LRMDA: variants seen among roughly 807,000 people sequenced by gnomAD.
LRMDA encodes the protein leucine-rich melanocyte differentiation-associated protein.
Under a neutral mutation model 29.8 loss-of-function variants are expected in LRMDA, and 18 were observed. The ratio of observed to expected loss-of-function variants is 0.60; its 90% confidence interval spans 0.42 to 0.90. The LOEUF is 0.90. LRMDA is among the 40% of genes least tolerant of loss of function. LRMDA has a pLI of 0.00. For synonymous variants in LRMDA, 125 were observed against 109.4 expected (o/e 1.14, Z -0.89); for missense variants, 273 against 273.9 (o/e 1.00, Z 0.02).
At chr10:75,972,019 ATAAC>A in intron 2 of LRMDA, among the ~76,000 whole-genome samples, 1 of 152,356 alleles carries the variant, frequency 6.6e-6, no homozygotes, top group African/African-American at 2.4e-5. Context: ...GACATTTAAA[ATAAC>A]TAACACTAGA....
At chr10:75,502,667 T>G (rs1845126457) in intron 2 of LRMDA, among the ~76,000 whole-genome samples, 1 of 152,230 alleles carries the variant, frequency 6.6e-6, no homozygotes, top group South Asian at 2.1e-4. Context: ...TTAAGTTTAC[T>G]CTTGCTGTTT....
At chr10:75,572,146 G>T (rs1319670046) in intron 2 of LRMDA, among the ~76,000 whole-genome samples, 1 of 152,054 alleles carries the variant, frequency 6.6e-6, no homozygotes, top group African/African-American at 2.4e-5. Context: ...TAGAGACGGG[G>T]TTTCACCATG....
intron 6 of LRMDA, among the ~76,000 whole-genome samples, chr10:76,388,649 C>T (rs961242509): frequency 3.3e-5 from 5 of 152,136 alleles, no homozygotes; most frequent in South Asian, 2.1e-4. Flanking sequence ...GGAAGTCACA[C>T]GTACACACTG....
intron 2 of LRMDA, among the ~76,000 whole-genome samples, chr10:75,716,060 C>A (rs983543683): frequency 3.9e-5 from 6 of 152,172 alleles, no homozygotes; most frequent in African/African-American, 1.4e-4. Context: ...GTGAAGGAGC[C>A]TCAGGACCCA....
chr10:76,342,991 A>G (rs553442112), intron 6 of LRMDA, among the ~76,000 whole-genome samples: 22 of 151,972 alleles, frequency 1.4e-4, no homozygotes, highest in Admixed American at 7.2e-4. Context: ...GGGAGTAAAA[A>G]AAACCCTGAT....
intron 2 of LRMDA, among the ~76,000 whole-genome samples, chr10:75,595,600 C>T (rs895711035): frequency 6.7e-6 from 1 of 149,036 alleles, no homozygotes; most frequent in Non-Finnish European, 1.5e-5. Context: ...TTATAATCCA[C>T]ATATTAATAG....
intron 5 of LRMDA, among the ~76,000 whole-genome samples, chr10:76,310,345 T>A (rs899776439): frequency 1.3e-5 from 2 of 152,154 alleles, no homozygotes; most frequent in Non-Finnish European, 2.9e-5. Context: ...TCTTGGAGGT[T>A]TTTTGAATCA....
At chr10:75,916,164 A>ATGTGTGTGTGTGTG (rs34666507) in intron 2 of LRMDA, among the ~76,000 whole-genome samples, 41 of 124,504 alleles carry the variant, frequency 3.3e-4, no homozygotes, top group South Asian at 1.7e-3. Context: ...TGCCAGGCCT[A>ATGTGTGTGTGTGTG]TGTGTGTGTG....
At chr10:76,127,670 TA>T (rs1467041983) in intron 5 of LRMDA, among the ~76,000 whole-genome samples, 4 of 151,602 alleles carry the variant, frequency 2.6e-5, no homozygotes, top group African/African-American at 4.8e-5. Context: ...AAGGCAGTTG[TA>T]AAAGCTTGGG....
chr10:76,212,747 C>T (rs1851659190), intron 5 of LRMDA, among the ~76,000 whole-genome samples: 1 of 152,326 alleles, frequency 6.6e-6, no homozygotes, highest in South Asian at 2.1e-4. Context: ...CACTAAGAAT[C>T]TTCCACATGG....
chr10:75,814,956 C>T (rs1727550669), intron 2 of LRMDA, among the ~76,000 whole-genome samples: 1 of 152,174 alleles, frequency 6.6e-6, no homozygotes, highest in African/African-American at 2.4e-5. Flanking sequence ...ACAATAATAT[C>T]TTCCAAAACA....
At chr10:75,555,676 A>G (rs983003924) in intron 2 of LRMDA, among the ~76,000 whole-genome samples, 2 of 152,220 alleles carry the variant, frequency 1.3e-5, no homozygotes, top group Admixed American at 6.6e-5. Flanking sequence ...TTTCTACAAC[A>G]TATCATTCAA....
At chr10:76,345,937 G>A (rs1254136393) in intron 6 of LRMDA, among the ~76,000 whole-genome samples, 1 of 151,390 alleles carries the variant, frequency 6.6e-6, no homozygotes, top group African/African-American at 2.4e-5. Context: ...ACTTAAAAAA[G>A]GTTAAGGTAA....
intron 6 of LRMDA, among the ~76,000 whole-genome samples, chr10:76,400,759 A>G (rs948731563): frequency 7.2e-5 from 11 of 152,016 alleles, no homozygotes; most frequent in African/African-American, 2.2e-4. Context: ...CTCTGAAGCT[A>G]TATAGATCTC....
chr10:76,193,050 T>C (rs1430570790), intron 5 of LRMDA, among the ~76,000 whole-genome samples: 1 of 152,234 alleles, frequency 6.6e-6, no homozygotes, highest in Non-Finnish European at 1.5e-5. Context: ...CTATATAAAA[T>C]GCTTTGGAGA....
chr10:76,522,416 A>G (rs1843130339), intron 6 of LRMDA, among the ~76,000 whole-genome samples: 1 of 152,194 alleles, frequency 6.6e-6, no homozygotes, highest in South Asian at 2.1e-4. Context: ...TAGTTCTAGA[A>G]CGGTGCCAGG....
At chr10:76,136,320 C>T (rs968937887) in intron 5 of LRMDA, among the ~76,000 whole-genome samples, 1 of 151,982 alleles carries the variant, frequency 6.6e-6, no homozygotes, top group African/African-American at 2.4e-5. Flanking sequence ...AGAAGAATTC[C>T]CTAGATAATT....
At chr10:75,913,588 T>A (rs1845880167) in intron 2 of LRMDA, among the ~76,000 whole-genome samples, 1 of 152,224 alleles carries the variant, frequency 6.6e-6, no homozygotes, top group South Asian at 2.1e-4. Flanking sequence ...GAGCCCTGCC[T>A]TTTGGGAGCC....
intron 2 of LRMDA, among the ~76,000 whole-genome samples, chr10:75,832,963 C>G (rs1372436737): frequency 6.6e-6 from 1 of 152,172 alleles, no homozygotes; most frequent in Non-Finnish European, 1.5e-5. Context: ...GGGTAGGACA[C>G]AGAGTCAAAC....
Sources: allele counts gnomAD v4.1 joint callset (sites outside exome capture counted in the v4.1 genomes callset), GRCh38; gene constraint gnomAD v4.1.1; transcripts MANE v1.5; gene names NCBI Gene and HGNC (gene_info 2026-07-23, HGNC 2026-07-21).